KCTD2: variants seen among roughly 807,000 people sequenced by gnomAD.
The protein encoded by KCTD2 is potassium channel tetramerization domain containing 2, also known as BTB/POZ domain-containing protein KCTD2.
Under a neutral mutation model 27.9 loss-of-function variants are expected in KCTD2, and 18 were observed. The ratio of observed to expected loss-of-function variants is 0.64; its 90% CI spans 0.45 to 0.96. The LOEUF is 0.96. KCTD2 is among the 40% of genes least tolerant of loss of function. KCTD2 has a pLI of 0.00. For synonymous variants in KCTD2, 175 were observed against 148.4 expected (o/e 1.18, Z -1.30); for missense variants, 280 against 348.0 (o/e 0.80, Z 1.56).
At position 75,059,475 on chromosome 17, in the gene KCTD2, T is replaced by C; in HGVS notation, c.541-35T>C. On this transcript the variant is annotated intron_variant, in intron 3 of 5. Coordinates refer to ENST00000322444, the MANE Select transcript of KCTD2 (RefSeq NM_015353.3). ...GGGCAGCTGCAAACTGTGGTGTCCT[T>C]GGTGCTGTTCTCAGTCTGCGCCTGG... The C allele has an allele frequency of 1.3e-6, 2 of 1,493,488 alleles. 1 individual carries two copies. Among genetic ancestry groups the C allele is most frequent in the South Asian group, 2.4e-5 (2 of 84,168 alleles). 92.5% of individuals were successfully genotyped at this position (1,493,488 alleles called of 1,614,324 possible).
At chr17:75,062,058 A>T in intron 4 of KCTD2, 62 bp from the exon 5 acceptor site, 1 of 1,594,496 alleles carries the variant, frequency 6.3e-7, no homozygotes, top group Non-Finnish European at 8.6e-7. Flanking sequence ...TGATTTGTGT[A>T]GCACTTTCGA....
intron 2 of KCTD2, among the ~76,000 whole-genome samples, chr17:75,035,065 G>T (rs2040100849): frequency 6.6e-6 from 1 of 151,962 alleles, no homozygotes; most frequent in Admixed American, 6.6e-5. Flanking sequence ...ACGCCGGAGC[G>T]TTTAATGGCC....
chr17:75,035,149 G>C (rs921203183), intron 2 of KCTD2: 1 of 152,084 alleles, frequency 6.6e-6, no homozygotes, highest in Non-Finnish European at 1.5e-5. Context: ...TCTGACTTCG[G>C]ATCAGAAGAT....
rs1247950442 is a variant in KCTD2, at chr17:75,052,995, A to G, written c.449-19A>G. The G allele has an allele frequency of 6.2e-7, 1 of 1,602,426 alleles. No individual in the cohort carries two copies. The highest frequency in any genetic ancestry group is 1.7e-5 in the Admixed American group (1 of 59,994). ...CAAACCCTCGCACCTATCTGACTGC[A>G]GTTTTGTCCTTGTTCCAGGTGTGCT... On this transcript the variant is annotated intron_variant, in intron 2 of 5. Transcript: ENST00000322444.
At chr17:75,047,138 C>A, upstream of KCTD2, 1 of 288,838 alleles carries the variant, frequency 3.5e-6, no homozygotes, top group Non-Finnish European at 6.2e-6. Flanking sequence ...GGGGCGCTCC[C>A]GTCCCTCTCC....
At chr17:75,038,286 C>T (rs57081510) in intron 3 of KCTD2, among the ~76,000 whole-genome samples, 3,250 of 151,964 alleles carry the variant, frequency 0.021, 98 homozygotes, top group African/African-American at 0.074. Flanking sequence ...AGGCGCCCCC[C>T]GCCCCACCAC....
At chr17:75,047,641 C>T (rs1279407554) in intron 1 of KCTD2, 52 bp downstream of exon 1, 13 of 1,551,994 alleles carry the variant, frequency 8.4e-6, no homozygotes, top group Non-Finnish European at 1.0e-5. Flanking sequence ...CCTGGTTTCT[C>T]GTAGATCGGT....
At position 75,037,835 on chromosome 17, in the gene KCTD2, G is replaced by T. The variant is rs572834531; in HGVS notation, c.-259+2478G>T. ...GAGGCTGAGGCGGGCGGATCACAAG[G>T]TCAGGAGATCGAGACCATCCTGGCT... On this transcript the variant is annotated intron_variant, in intron 3 of 7. Transcript: ENST00000581589. 2.0e-5 allele frequency among the ~76,000 whole-genome samples: 3 copies of T among 152,168 alleles called. No individual in the cohort carries two copies. In the East Asian group the frequency reaches 5.9e-4, roughly 30 times the overall value.
At chr17:75,053,960 G>A (rs1173862875) in intron 3 of KCTD2, among the ~76,000 whole-genome samples, 1 of 139,184 alleles carries the variant, frequency 7.2e-6, no homozygotes, top group Admixed American at 7.9e-5. Flanking sequence ...ACCACACCCA[G>A]CCTGAACCAT....
At chr17:75,057,086 C>CTAG (rs2073358202) in intron 3 of KCTD2, among the ~76,000 whole-genome samples, 1 of 151,196 alleles carries the variant, frequency 6.6e-6, no homozygotes, top group Non-Finnish European at 1.5e-5. Flanking sequence ...TCCCGAGTAG[C>CTAG]TAGATTACAG....
chr17:75,059,804 A>C (rs2073385417), intron 4 of KCTD2, among the ~76,000 whole-genome samples, 199 bp downstream of exon 4: 1 of 152,128 alleles, frequency 6.6e-6, no homozygotes, highest in African/African-American at 2.4e-5. Flanking sequence ...GAAACAGAGG[A>C]GCATCATGTC....
intron 2 of KCTD2, among the ~76,000 whole-genome samples, chr17:75,050,045 CTG>C (rs2073268481): frequency 6.6e-6 from 1 of 152,176 alleles, no homozygotes; most frequent in African/African-American, 2.4e-5. Flanking sequence ...TGAAACAACT[CTG>C]TTTCAGCTAG....
Position 75,063,068 on chromosome 17 carries a change from A to C in KCTD2, c.*21A>C. ...TGTAAACTAAGACCCCGAAAACTCC[A>C]GACCTTCAGGAGAGCAGTCAGCAGA... On this transcript the variant is annotated 3_prime_UTR_variant, in exon 6 of 6. Transcript: ENST00000322444. 6.2e-7 allele frequency: 1 copy of C among 1,612,672 alleles called. No homozygotes were observed. The highest frequency in any genetic ancestry group is 1.6e-4 in the Middle Eastern group (1 of 6,062).
At chr17:75,049,007 A>G (rs930474972) in intron 1 of KCTD2, 2 of 431,206 alleles carry the variant, frequency 4.6e-6, no homozygotes, top group Non-Finnish European at 8.3e-6. Context: ...CCTACCTAAG[A>G]TGATCTTAAT....
In KCTD2 at chr17:75,047,434, C is replaced by G; in HGVS notation, c.184C>G (p.Pro62Ala). 1.4e-6 allele frequency: 2 copies of G among 1,453,728 alleles called. No homozygotes were observed. The highest frequency in any genetic ancestry group is 1.8e-6 in the Non-Finnish European group (2 of 1,098,846). 90.1% of individuals were successfully genotyped at this position (1,453,728 alleles called of 1,614,324 possible). The change falls in exon 1 of 6, where the codon CCC becomes GCC. Residue 62 changes from proline to alanine, a missense_variant. Pro to Ala is a conservative substitution (Grantham distance 27, BLOSUM62 -1). Coordinates refer to ENST00000322444, the MANE Select transcript of KCTD2 (RefSeq NM_015353.3). ...AQPLEPGPGP[P>A]ERAGGGGAAR... ...GCCGCTGGAGCCGGGTCCCGGACCA[C>G]CCGAGCGGGCAGGGGGCGGCGGCGC...
At chr17:75,035,180 T>C (rs1249076600) in intron 2 of KCTD2, 7 of 152,098 alleles carry the variant, frequency 4.6e-5, no homozygotes, top group Non-Finnish European at 2.9e-5. Context: ...AGTCCCTTCG[T>C]GGTCGGAACG....
chr17:75,048,664 C>T (rs1252957676), intron 1 of KCTD2, among the ~76,000 whole-genome samples: 1 of 152,204 alleles, frequency 6.6e-6, no homozygotes, highest in African/African-American at 2.4e-5. Context: ...GAGCCAAGTC[C>T]TGGCAGTACC....
At chr17:75,046,441 G>A (rs142928153), upstream of KCTD2, among the ~76,000 whole-genome samples, 7 of 152,292 alleles carry the variant, frequency 4.6e-5, no homozygotes, top group Non-Finnish European at 1.0e-4. Flanking sequence ...AACAGATCAT[G>A]CGCATAGGAG....
chr17:75,056,935 CTTTTTTTTTCTTTTTTCT>C (rs2073355479), intron 3 of KCTD2, among the ~76,000 whole-genome samples: 1 of 136,482 alleles, frequency 7.3e-6, no homozygotes, highest in Admixed American at 7.7e-5. Flanking sequence ...TCCTCTGTTT[CTTTTTTTTTCTTTTTTCT>C]TTTTTTTTTT....
Sources: gnomAD v4.1 joint callset for allele counts (sites outside exome capture counted in the v4.1 genomes callset) on GRCh38, gnomAD v4.1.1 for gene constraint, MANE v1.5 for transcripts, NCBI Gene and HGNC (gene_info 2026-07-23, HGNC 2026-07-21) for gene names.